Variants in PSD3 observed in about 807,000 individuals in gnomAD.
The protein encoded by PSD3 is PH and SEC7 domain-containing protein 3.
Under a neutral mutation model 105.5 loss-of-function variants are expected in PSD3, and 49 were observed. That is an observed-to-expected ratio of 0.46 (90% CI 0.37 to 0.59). The LOEUF (loss-of-function observed/expected upper bound fraction) is 0.59. Ranked by LOEUF, PSD3 falls within the 20% of genes least tolerant of loss-of-function variation. The probability of loss-of-function intolerance (pLI) is 0.00; values close to 1 mark genes in which losing one functional copy is unlikely to be tolerated. For missense variants in PSD3, 1,561 were observed against 1,263.8 expected (o/e 1.24, Z -3.57); for synonymous variants, 557 against 457.8 (o/e 1.22, Z -2.77).
intron 1 of PSD3, among the ~76,000 whole-genome samples, chr8:18,975,343 G>A (rs1228902249): frequency 7.3e-6 from 1 of 137,134 alleles, no homozygotes. Context: ...TTGCCAATAT[G>A]TACCATAGGC....
intron 4 of PSD3, among the ~76,000 whole-genome samples, chr8:18,809,089 G>A (rs1339035402): frequency 3.3e-5 from 5 of 152,248 alleles, no homozygotes; most frequent in South Asian, 2.1e-4. Context: ...GATCCCTCTC[G>A]GAGGGGATAA....
At chr8:18,882,196 A>C (rs1481972518) in intron 2 of PSD3, among the ~76,000 whole-genome samples, 2 of 150,756 alleles carry the variant, frequency 1.3e-5, no homozygotes, top group Non-Finnish European at 3.0e-5. Flanking sequence ...CAACACAGCA[A>C]GATTCTGTCT....
At chr8:19,075,373 G>C (rs185557491) in intron 1 of PSD3, among the ~76,000 whole-genome samples, 13 of 152,324 alleles carry the variant, frequency 8.5e-5, no homozygotes, top group African/African-American at 3.1e-4. Context: ...AAATTGTTCG[G>C]ATTACAGGCA....
chr8:18,933,106 T>G (rs1821850286), intron 2 of PSD3, among the ~76,000 whole-genome samples: 1 of 152,336 alleles, frequency 6.6e-6, no homozygotes, highest in South Asian at 2.1e-4. Context: ...TTAAATGTAT[T>G]TGTTCAACAA....
intron 9 of PSD3, among the ~76,000 whole-genome samples, chr8:18,744,338 C>G (rs1565138): frequency 0.66 from 100,973 of 151,986 alleles, 37,370 homozygotes; most frequent in Non-Finnish European, 0.84. Context: ...TGCTAAGTAT[C>G]AGAGAATCCA....
At chr8:18,875,828 C>T (rs932034799) in intron 2 of PSD3, among the ~76,000 whole-genome samples, 1 of 152,138 alleles carries the variant, frequency 6.6e-6, no homozygotes, top group African/African-American at 2.4e-5. Context: ...TGAGCCATGG[C>T]GCCTGGCCAT....
At chr8:18,828,814 A>G (rs967226837) in intron 4 of PSD3, among the ~76,000 whole-genome samples, 3 of 151,696 alleles carry the variant, frequency 2.0e-5, no homozygotes, top group African/African-American at 7.3e-5. Flanking sequence ...CAAACAAACA[A>G]AAAATTGGGC....
chr8:18,835,880 TG>T (rs906335561), intron 4 of PSD3, among the ~76,000 whole-genome samples: 10 of 151,726 alleles, frequency 6.6e-5, no homozygotes, highest in Admixed American at 3.3e-4. Context: ...GCGGTGTAGA[TG>T]GGGGGGCGGA....
At chr8:18,584,631 G>A (rs992966397) in intron 12 of PSD3, among the ~76,000 whole-genome samples, 1 of 152,198 alleles carries the variant, frequency 6.6e-6, no homozygotes, top group South Asian at 2.1e-4. Flanking sequence ...GAAGCAAGCT[G>A]GCTCAGGCAA....
chr8:18,790,302 TTTC>T (rs1280136646), intron 8 of PSD3, among the ~76,000 whole-genome samples: 174 of 150,634 alleles, frequency 1.2e-3, no homozygotes, highest in African/African-American at 3.9e-3. Context: ...TCTTTTTTCT[TTTC>T]TTTTTTTTTT....
At chr8:18,727,936 G>A (rs1285605327) in intron 9 of PSD3, among the ~76,000 whole-genome samples, 1 of 151,928 alleles carries the variant, frequency 6.6e-6, no homozygotes, top group Non-Finnish European at 1.5e-5. Flanking sequence ...TATCCATTTA[G>A]TCTATTAGAA....
intron 15 of PSD3, among the ~76,000 whole-genome samples, chr8:18,554,931 C>T (rs771397977): frequency 6.6e-6 from 1 of 151,976 alleles, no homozygotes; most frequent in Non-Finnish European, 1.5e-5. Flanking sequence ...AAGGTATAAA[C>T]GTGTGTTTGG....
chr8:18,753,885 C>G (rs949876700), intron 9 of PSD3, among the ~76,000 whole-genome samples: 7 of 152,110 alleles, frequency 4.6e-5, no homozygotes, highest in African/African-American at 1.7e-4. Context: ...AGGCTACTGA[C>G]GACACAGATT....
intron 2 of PSD3, among the ~76,000 whole-genome samples, chr8:18,893,859 C>T (rs886485457): frequency 1.3e-5 from 2 of 152,340 alleles, no homozygotes; most frequent in South Asian, 4.1e-4. Flanking sequence ...TGCTCCATTT[C>T]CTTGGCCTGT....
At chr8:18,617,400 G>A (rs1805776298) in intron 11 of PSD3, among the ~76,000 whole-genome samples, 1 of 151,924 alleles carries the variant, frequency 6.6e-6, no homozygotes, top group Admixed American at 6.6e-5. Flanking sequence ...TCGTGATGGT[G>A]GGTGCCTATA....
At position 18,889,318 on chromosome 8, in the gene PSD3, G is replaced by C. The variant is rs541652273; in HGVS notation, c.131-16585C>G. Among the ~76,000 whole-genome samples the C allele has an allele frequency of 3.9e-5, 6 of 152,106 alleles. No individual in the cohort carries two copies. The East Asian group carries it at 1.2e-3, about 29-fold the overall frequency. On this transcript the variant is annotated intron_variant, in intron 2 of 15. Coordinates refer to ENST00000327040, the MANE Select transcript of PSD3 (RefSeq NM_015310.4). ...TGTTCTTGATACTCCCGTATTTGGGGCCTTGACTGTGGAGAGACTGTTCCT... is the reference window on the plus strand; with the variant it reads ...TGTTCTTGATACTCCCGTATTTGGGCCCTTGACTGTGGAGAGACTGTTCCT...
chr8:18,892,775 C>G (rs149477053), intron 2 of PSD3, among the ~76,000 whole-genome samples: 1 of 151,934 alleles, frequency 6.6e-6, no homozygotes, highest in Non-Finnish European at 1.5e-5. Context: ...CAGGCATATA[C>G]CACCACGTAT....
intron 1 of PSD3, among the ~76,000 whole-genome samples, chr8:18,945,110 A>T (rs1224966398): frequency 1.3e-5 from 2 of 152,178 alleles, no homozygotes; most frequent in Non-Finnish European, 2.9e-5. Flanking sequence ...ATTCACACTC[A>T]CTGTGGTAGA....
intron 2 of PSD3, among the ~76,000 whole-genome samples, chr8:18,912,435 T>C (rs1820290200): frequency 6.6e-6 from 1 of 151,764 alleles, no homozygotes; most frequent in Non-Finnish European, 1.5e-5. Context: ...TTAAAAGGAA[T>C]AAAACTTTTG....
Sources: gnomAD v4.1 joint callset for allele counts (sites outside exome capture counted in the v4.1 genomes callset) on GRCh38, gnomAD v4.1.1 for gene constraint, MANE v1.5 for transcripts, NCBI Gene and HGNC (gene_info 2026-07-23, HGNC 2026-07-21) for gene names.